GFPT2: variants seen among roughly 807,000 people sequenced by gnomAD.
The protein encoded by GFPT2 is glutamine--fructose-6-phosphate transaminase 2.
GFPT2 carries 62 observed loss-of-function variants against 85.6 expected under a neutral mutation model. That is an observed-to-expected ratio of 0.72 (90% confidence interval 0.59 to 0.90). The LOEUF is 0.90. GFPT2 is among the 40% of genes least tolerant of loss of function. The pLI is 0.00. For missense variants in GFPT2, 788 were observed against 893.4 expected (o/e 0.88, Z 1.50); for synonymous variants, 368 against 344.5 (o/e 1.07, Z -0.75).
In GFPT2 at chr5:180,328,520, G is replaced by A. The variant is rs559217062; in HGVS notation, c.535-182C>T. Among the ~76,000 whole-genome samples the A allele has an allele frequency of 6.6e-6, 1 of 152,320 alleles. No individual in the cohort carries two copies. The highest frequency in any genetic ancestry group is 6.5e-5 in the Admixed American group (1 of 15,306). ...CACGAGGGAAAGCAAAACAGACGGT[G>A]CCACGGGAAGTACCACAAACCAGAA... On this transcript the variant is annotated intron_variant, in intron 6 of 18. Transcript: ENST00000253778. This position sits in a 1 kb window ranked among gnomAD's most constrained non-coding sequence, Gnocchi z 5.4.
rs1282819694 is a variant in GFPT2 at position 180,318,999 on chromosome 5, C to CAGTT, written c.795-47_795-44dup. 3.2e-6 allele frequency: 5 copies of CAGTT among 1,583,020 alleles called. No homozygotes were observed. Among genetic ancestry groups the CAGTT allele is most frequent in the Non-Finnish European group, 4.3e-6 (5 of 1,159,604 alleles). On this transcript the variant is annotated intron_variant, in intron 9 of 18. Coordinates refer to ENST00000253778, the MANE Select transcript of GFPT2 (RefSeq NM_005110.4). This position sits in a 1 kb window ranked among gnomAD's most constrained non-coding sequence, Gnocchi z 4.2. The stretch of plus-strand genomic sequence containing the variant: ...GGCATCATCAGTGCCCTGCCCTGAG[C>CAGTT]AGTTACGAGGCAGCAGCCCCTTGCT...
intron 1 of GFPT2, among the ~76,000 whole-genome samples, chr5:180,344,978 C>T (rs1380334486): frequency 6.6e-6 from 1 of 152,266 alleles, no homozygotes; most frequent in Non-Finnish European, 1.5e-5. Context: ...AAGGCATACC[C>T]AGAAGCACAG....
chr5:180,302,365 A>G, intron 18 of GFPT2, 58 bp downstream of exon 18: 8 of 1,307,696 alleles, frequency 6.1e-6, no homozygotes, highest in Non-Finnish European at 8.7e-6. Context: ...AAAGAACAGA[A>G]AGGAACTCTG....
intron 1 of GFPT2, among the ~76,000 whole-genome samples, chr5:180,346,495 G>A (rs769269106): frequency 1.3e-5 from 2 of 152,118 alleles, no homozygotes; most frequent in Non-Finnish European, 2.9e-5. Context: ...CGGTGACCAC[G>A]GCAAGGCAGG....
intron 1 of GFPT2, chr5:180,352,790 G>T: frequency 3.2e-6 from 1 of 310,072 alleles, no homozygotes; most frequent in Non-Finnish European, 6.1e-6. Flanking sequence ...GAGTCGGGAT[G>T]GGCGCCCCGC....
chr5:180,350,472 C>T (rs1014925151), intron 1 of GFPT2, among the ~76,000 whole-genome samples: 4 of 152,230 alleles, frequency 2.6e-5, no homozygotes, highest in Non-Finnish European at 4.4e-5. Context: ...CTGCCCTGAT[C>T]GGCATCCCGT....
At chr5:180,343,772 T>C (rs1764561356) in intron 1 of GFPT2, among the ~76,000 whole-genome samples, 1 of 152,244 alleles carries the variant, frequency 6.6e-6, no homozygotes, top group Admixed American at 6.5e-5. Flanking sequence ...CTTCCATCCA[T>C]AAATAAAAGC....
At chr5:180,350,540 G>A (rs1464767892) in intron 1 of GFPT2, among the ~76,000 whole-genome samples, 1 of 152,156 alleles carries the variant, frequency 6.6e-6, no homozygotes. Flanking sequence ...CTTCTTTGAG[G>A]GGAGGACCAC....
intron 1 of GFPT2, 117 bp downstream of exon 1, chr5:180,353,094 A>ATCGGCGCCCCCAGCCAGGTCC (rs1764748976): frequency 3.5e-6 from 3 of 860,626 alleles, no homozygotes; most frequent in South Asian, 5.8e-5. Context: ...CCCGGGGCAG[A>ATCGGCGCCCCCAGCCAGGTCC]TCGGCGCCCC....
chr5:180,313,271 G>A (rs894217232), intron 14 of GFPT2, among the ~76,000 whole-genome samples: 5 of 152,142 alleles, frequency 3.3e-5, no homozygotes, highest in Admixed American at 1.3e-4. Flanking sequence ...ACACAGGAAC[G>A]TGGCATGGGA....
At chr5:180,346,322 T>C (rs1389445869) in intron 1 of GFPT2, among the ~76,000 whole-genome samples, 1 of 152,018 alleles carries the variant, frequency 6.6e-6, no homozygotes, top group Non-Finnish European at 1.5e-5. Flanking sequence ...AGAAGAAAGG[T>C]ATAGCTCACA....
Position 180,307,157 on chromosome 5 carries a change from G to A in GFPT2, c.1674+19C>T, listed in dbSNP as rs1286709614. 3 of 959,694 alleles carry A rather than the reference G, an allele frequency of 3.1e-6. No homozygotes were observed. Among genetic ancestry groups the A allele is most frequent in the African/African-American group, 4.1e-5 (2 of 49,046 alleles). 59.4% of individuals were successfully genotyped at this position (959,694 alleles called of 1,614,324 possible). A position where few individuals can be genotyped will look rare whatever the true frequency, so the allele number is the denominator to read the frequency against. On this transcript the variant is annotated intron_variant, in intron 16 of 18. Coordinates refer to ENST00000253778, the MANE Select transcript of GFPT2 (RefSeq NM_005110.4). Reference sequence around the variant, plus strand: ...GTGCCTGTCCTCCGTGGGGGTGGGGGCTGGGGGTGGGGGCTCACCAGGGCT... The same window carrying A: ...GTGCCTGTCCTCCGTGGGGGTGGGGACTGGGGGTGGGGGCTCACCAGGGCT...
chr5:180,312,643 C>A, intron 14 of GFPT2, 99 bp from the exon 15 acceptor site: 1 of 678,552 alleles, frequency 1.5e-6, no homozygotes, highest in South Asian at 1.7e-5. Flanking sequence ...CGCCTGAGTG[C>A]AGTGGCGAGA....
rs1561871728 is a variant in GFPT2, at chr5:180,307,305, TG to T, written c.1547-3del. ...GAGACAGCACTTCCTTGATCAGCTC[TG>T]GGCCATGCACGGAGCAGAGGGAGAA... On this transcript the variant is annotated splice_region_variant and splice_polypyrimidine_tract_variant and intron_variant, in intron 15 of 18. Coordinates refer to ENST00000253778, the MANE Select transcript of GFPT2 (RefSeq NM_005110.4). The T allele has an allele frequency of 2.5e-6, 4 of 1,613,790 alleles. No individual in the cohort carries two copies. The East Asian group carries it at 8.9e-5, about 36-fold the overall frequency.
In GFPT2 at chr5:180,316,950, G is replaced by A. The variant is rs780024769; in HGVS notation, c.1054+13C>T. On this transcript the variant is annotated intron_variant, in intron 11 of 18. Coordinates refer to ENST00000253778, the MANE Select transcript of GFPT2 (RefSeq NM_005110.4). ...GGCTCGGGCGGAGGCTCCCCACCGA[G>A]TGTAGGAATTACCTGTGTTGGTTTC... 6.4e-6 allele frequency: 10 copies of A among 1,572,402 alleles called. No homozygotes were observed. The South Asian group carries it at 6.7e-5, about 10-fold the overall frequency.
At position 180,301,491 on chromosome 5, in the gene GFPT2, T is replaced by C. The variant is rs1011183567; in HGVS notation, c.*73A>G. On this transcript the variant is annotated 3_prime_UTR_variant, in exon 19 of 19. Transcript: ENST00000253778. Reference sequence around the variant, plus strand: ...TGTGGGATGTCCACTTCTCTTCCCATGTAGCATCCCTGCTGTTGGGACAGG... The same window carrying C: ...TGTGGGATGTCCACTTCTCTTCCCACGTAGCATCCCTGCTGTTGGGACAGG... 3 of 1,246,186 alleles carry C rather than the reference T, an allele frequency of 2.4e-6. No homozygotes were observed. The African/African-American group carries it at 4.4e-5, about 18-fold the overall frequency. The allele number at this position is 1,246,186 out of a possible 1,614,324, so 77.2% of individuals were successfully genotyped here. A position where few individuals can be genotyped will look rare whatever the true frequency, so the allele number is the denominator to read the frequency against.
At position 180,316,322 on chromosome 5, in the gene GFPT2, CA is replaced by C; in HGVS notation, c.1273+18del. 6.2e-7 allele frequency: 1 copy of C among 1,613,766 alleles called. No homozygotes were observed. Among genetic ancestry groups the C allele is most frequent in the South Asian group, 1.1e-5 (1 of 91,038 alleles). ...AGCTGACCTGATGCAAGGCTGGCCA[CA>C]ATGCCTGTGTCCCTTACCTGACTGG... On this transcript the variant is annotated intron_variant, in intron 13 of 18. Transcript: ENST00000253778.
intron 9 of GFPT2, among the ~76,000 whole-genome samples, chr5:180,319,384 C>T (rs1764075995): frequency 6.6e-6 from 1 of 152,174 alleles, no homozygotes. Context: ...GGAAGATACT[C>T]GAGAACCAAC....
At chr5:180,325,269 C>G (rs1256872540) in intron 7 of GFPT2, among the ~76,000 whole-genome samples, 1 of 152,154 alleles carries the variant, frequency 6.6e-6, no homozygotes, top group Non-Finnish European at 1.5e-5. Flanking sequence ...AGGTCTCCAC[C>G]CAGCCTCGAC....
Sources: allele counts gnomAD v4.1 joint callset (sites outside exome capture counted in the v4.1 genomes callset), GRCh38; gene constraint gnomAD v4.1.1; non-coding constraint Gnocchi (gnomAD v3.1); transcripts MANE v1.5; gene names NCBI Gene and HGNC (gene_info 2026-07-23, HGNC 2026-07-21).